CDC42BPA: variants seen among roughly 807,000 people sequenced by gnomAD.
CDC42BPA encodes serine/threonine-protein kinase MRCK alpha.
CDC42BPA carries 80 observed loss-of-function variants against 223.5 expected under a neutral mutation model. The observed-to-expected ratio is 0.36, with a 90% confidence interval of 0.30 to 0.43. CDC42BPA has a LOEUF of 0.43. Among genes scored for constraint, CDC42BPA ranks in the 20% least tolerant of loss-of-function variants. The probability of loss-of-function intolerance (pLI) is 1.00; values close to 1 mark genes in which losing one functional copy is unlikely to be tolerated. For synonymous variants in CDC42BPA, 694 were observed against 718.6 expected (o/e 0.97, Z 0.55); for missense variants, 1,743 against 2,099.9 (o/e 0.83, Z 3.32).
chr1:227,278,406 T>C (rs954378938), intron 1 of CDC42BPA, among the ~76,000 whole-genome samples: 1 of 152,210 alleles, frequency 6.6e-6, no homozygotes. Flanking sequence ...GCAAAGCCAG[T>C]CCTCACTGTC....
intron 1 of CDC42BPA, among the ~76,000 whole-genome samples, chr1:227,312,519 A>T (rs1176438431): frequency 2.0e-5 from 3 of 152,174 alleles, no homozygotes; most frequent in Non-Finnish European, 4.4e-5. Flanking sequence ...CTAAAGTGTT[A>T]ATCCTGACAT....
At chr1:227,000,076 T>C (rs932570695) in intron 35 of CDC42BPA, among the ~76,000 whole-genome samples, 5 of 149,334 alleles carry the variant, frequency 3.3e-5, no homozygotes, top group Admixed American at 2.7e-4. Context: ...TCTACACATG[T>C]ATCCCAGAAC....
rs1036987847 is a variant in CDC42BPA, at chr1:226,994,367, G to A, written c.5166C>T (p.Ser1722=). The change falls in exon 37 of 37, where the codon TCC becomes TCT. Residue 1722 remains serine, a synonymous_variant. Transcript: ENST00000366766. The surrounding 1 kb of genome is among the most constrained non-coding windows in gnomAD (Gnocchi z 4.0). ...DSDSPRHSTA[S]NSSNLSSPPS... ...GGGGGCTGCTTAGGTTGGAACTGTT[G>A]GAAGCTGTGGAATGCCTCGGAGAGT... is the stretch of plus-strand genomic sequence containing the variant. 1 of 1,586,864 alleles carries A rather than the reference G, an allele frequency of 6.3e-7. No individual in the cohort carries two copies. The highest frequency in any genetic ancestry group is 1.8e-5 in the Admixed American group (1 of 56,660).
chr1:227,249,023 T>C (rs753862683), intron 2 of CDC42BPA, among the ~76,000 whole-genome samples: 1 of 152,180 alleles, frequency 6.6e-6, no homozygotes, highest in Non-Finnish European at 1.5e-5. Context: ...TCATATTACC[T>C]GACTTCAAAT....
At chr1:227,161,815 T>A (rs1180080107) in intron 5 of CDC42BPA, among the ~76,000 whole-genome samples, 1 of 152,218 alleles carries the variant, frequency 6.6e-6, no homozygotes, top group African/African-American at 2.4e-5. Flanking sequence ...TCAGGCTGTT[T>A]ATAGAAAAAG....
At chr1:227,168,811 G>A (rs982050220) in intron 5 of CDC42BPA, among the ~76,000 whole-genome samples, 3 of 151,940 alleles carry the variant, frequency 2.0e-5, no homozygotes, top group Admixed American at 1.3e-4. Context: ...GGTGTTTCTT[G>A]AGCATCTCAA....
At chr1:227,258,174 G>A (rs1258501909) in intron 1 of CDC42BPA, among the ~76,000 whole-genome samples, 8 of 93,750 alleles carry the variant, frequency 8.5e-5, no homozygotes, top group African/African-American at 3.2e-4. Context: ...AACCCTGTCC[G>A]GGAAAAAAAA....
intron 5 of CDC42BPA, among the ~76,000 whole-genome samples, chr1:227,179,510 C>A (rs1293822545): frequency 6.6e-6 from 1 of 151,494 alleles, no homozygotes; most frequent in South Asian, 2.1e-4. Flanking sequence ...GTGGTGGGCA[C>A]CTGTAGTCCC....
intron 5 of CDC42BPA, among the ~76,000 whole-genome samples, chr1:227,173,803 T>C (rs1222064170): frequency 6.6e-6 from 1 of 152,136 alleles, no homozygotes. Flanking sequence ...TTCCATGTAA[T>C]AAAATACAAC....
In CDC42BPA at chr1:227,193,767, C is replaced by A. The variant is rs768804360; in HGVS notation, c.599+19G>T. ...TTACATGGTAACTCACAGCCAGGTA[C>A]AATGAAGGACTGTTTTACCTGTGTA... On this transcript the variant is annotated intron_variant, in intron 5 of 36. Coordinates refer to ENST00000366766, the MANE Select transcript of CDC42BPA (RefSeq NM_001394014.1). 1 of 1,567,578 alleles carries A rather than the reference C, an allele frequency of 6.4e-7. No homozygotes were observed. Among genetic ancestry groups the A allele is most frequent in the Admixed American group, 1.8e-5 (1 of 54,240 alleles).
intron 2 of CDC42BPA, among the ~76,000 whole-genome samples, chr1:227,245,768 C>T (rs1004601128): frequency 6.6e-6 from 1 of 152,156 alleles, no homozygotes; most frequent in African/African-American, 2.4e-5. Flanking sequence ...GGACTCATCA[C>T]CTGCTGACTA....
chr1:227,169,693 G>A (rs1354743033), intron 5 of CDC42BPA, among the ~76,000 whole-genome samples: 1 of 152,172 alleles, frequency 6.6e-6, no homozygotes, highest in Non-Finnish European at 1.5e-5. Context: ...CCCAGGCTGA[G>A]AGCTGCAAAA....
intron 11 of CDC42BPA, among the ~76,000 whole-genome samples, chr1:227,127,156 C>T (rs149205445): frequency 9.9e-5 from 15 of 152,124 alleles, no homozygotes; most frequent in Admixed American, 3.3e-4. Context: ...ATTAAAAATA[C>T]GATACCATTT....
intron 26 of CDC42BPA, 42 bp from the exon 27 acceptor site, chr1:227,033,457 ATG>A: frequency 2.2e-6 from 3 of 1,358,816 alleles, no homozygotes; most frequent in Non-Finnish European, 3.2e-6. Flanking sequence ...ATATGTGGCT[ATG>A]TGTGTGTGGT....
At chr1:227,240,255 T>C (rs1389919101) in intron 2 of CDC42BPA, among the ~76,000 whole-genome samples, 1 of 151,998 alleles carries the variant, frequency 6.6e-6, no homozygotes, top group African/African-American at 2.4e-5. Flanking sequence ...CTATAAAACA[T>C]CCTTGAGAAA....
Position 227,144,574 on chromosome 1 carries a change from C to CAAAAAAAAAA in CDC42BPA, c.1143+905_1143+914dup, listed in dbSNP as rs57568297. 3.6e-3 allele frequency among the ~76,000 whole-genome samples: 230 copies of CAAAAAAAAAA among 63,492 alleles called. 1 individual carries two copies. The highest frequency in any genetic ancestry group is 4.8e-3 in the Non-Finnish European group (178 of 36,842). The allele number at this position is 63,492 out of a possible 152,430, so 41.7% of individuals were successfully genotyped here. ...TGGGAGACAGAGCGAGACTCTGTCT[C>CAAAAAAAAAA]AAAAAAAAAAAAAAAAAAAAAAAAA... On this transcript the variant is annotated intron_variant, in intron 8 of 36. Transcript: ENST00000366766.
Position 227,045,801 on chromosome 1 carries a change from C to T in CDC42BPA, c.3093+2126G>A, listed in dbSNP as rs75886231. ...TTGTCCCTTTTTCCTTCAACAAAAA[C>T]AGGAAATATTTATCTTTTTCTTTGA... On this transcript the variant is annotated intron_variant, in intron 23 of 36. Transcript: ENST00000366766. Among the ~76,000 whole-genome samples the T allele has an allele frequency of 2.7e-3, 405 of 152,154 alleles. 3 individuals carry two copies. The highest frequency in any genetic ancestry group is 9.4e-3 in the African/African-American group (391 of 41,534).
In CDC42BPA at chr1:227,053,336, A is replaced by G. The variant is rs1016660828; in HGVS notation, c.2905-1351T>C. ...CGGCCTTCCTGGGTGGTGGGCATGG[A>G]AAGGTATTCTGGTAACCACAAAGCC... On this transcript the variant is annotated intron_variant, in intron 21 of 36. Transcript: ENST00000366766. 3.9e-5 allele frequency among the ~76,000 whole-genome samples: 6 copies of G among 152,114 alleles called. No homozygotes were observed. In the South Asian group the frequency reaches 6.2e-4, roughly 16 times the overall value.
At chr1:227,062,815 CT>C (rs1272652311) in intron 21 of CDC42BPA, among the ~76,000 whole-genome samples, 1 of 148,434 alleles carries the variant, frequency 6.7e-6, no homozygotes, top group Non-Finnish European at 1.5e-5. Context: ...GTAAAAAGTG[CT>C]AAAATGTTTA....
Sources: gnomAD v4.1 joint callset for allele counts (sites outside exome capture counted in the v4.1 genomes callset) on GRCh38, gnomAD v4.1.1 for gene constraint, Gnocchi (gnomAD v3.1) non-coding constraint, MANE v1.5 for transcripts, NCBI Gene and HGNC (gene_info 2026-07-23, HGNC 2026-07-21) for gene names.